BFSP1: variants seen among roughly 807,000 people sequenced by gnomAD.
BFSP1 encodes the protein filensin.
A neutral mutation model predicts 43.9 loss-of-function variants in BFSP1; 38 were observed. That is an observed-to-expected ratio of 0.87 (90% CI 0.67 to 1.14). BFSP1 has a LOEUF of 1.14. BFSP1 is among the 50% of genes most tolerant of loss of function. The pLI, the probability that BFSP1 is intolerant of heterozygous loss-of-function variation, is 0.00. For synonymous variants in BFSP1, 352 were observed against 354.8 expected, an observed-to-expected ratio of 0.99 and a Z score of 0.09; for missense variants, 850 against 875.1, an observed-to-expected ratio of 0.97 and a Z score of 0.36.
chr20:17,527,938 T>G (rs1450835387), intron 1 of BFSP1, among the ~76,000 whole-genome samples: 2 of 152,234 alleles, frequency 1.3e-5, no homozygotes, highest in African/African-American at 4.8e-5. Context: ...CATTCTTGTT[T>G]TATTCAGTGT....
At position 17,531,349 on chromosome 20, in the gene BFSP1, C is replaced by T. The variant is rs888725539; in HGVS notation, c.-20G>A. On this transcript the variant is annotated 5_prime_UTR_variant, in exon 1 of 8. Coordinates refer to ENST00000377873, the MANE Select transcript of BFSP1 (RefSeq NM_001195.5). ...GTACATGGCTGCTCTGGCGCGGGCG[C>T]GCGGGCGGCGCCGAGCCGGCTCTCC... 4 of 1,365,800 alleles carry T rather than the reference C, an allele frequency of 2.9e-6. No individual in the cohort carries two copies. Among genetic ancestry groups the T allele is most frequent in the Non-Finnish European group, 3.8e-6 (4 of 1,065,926 alleles). 84.6% of individuals were successfully genotyped at this position (1,365,800 alleles called of 1,614,324 possible). A position where few individuals can be genotyped will look rare whatever the true frequency, so the allele number is the denominator to read the frequency against.
chr20:17,515,260 C>T (rs1240602742), intron 2 of BFSP1, among the ~76,000 whole-genome samples: 3 of 152,090 alleles, frequency 2.0e-5, no homozygotes, highest in Non-Finnish European at 4.4e-5. Context: ...AAGATCGGAG[C>T]GCTAGGTATA....
intron 1 of BFSP1, among the ~76,000 whole-genome samples, chr20:17,555,053 C>A (rs1010970852): frequency 2.0e-5 from 3 of 152,006 alleles, no homozygotes; most frequent in Non-Finnish European, 4.4e-5. Flanking sequence ...AATCCCAGCA[C>A]TTTGGGAGGC....
At chr20:17,499,403 CT>C (rs34583097) in intron 5 of BFSP1, among the ~76,000 whole-genome samples, 867 of 82,064 alleles carry the variant, frequency 0.011, 2 homozygotes, top group African/African-American at 0.027. Context: ...ACATGCTGGG[CT>C]TTTTTTTTTT....
intron 1 of BFSP1, among the ~76,000 whole-genome samples, chr20:17,567,394 T>C (rs951043536): frequency 6.6e-6 from 1 of 152,104 alleles, no homozygotes; most frequent in Non-Finnish European, 1.5e-5. Flanking sequence ...CTGGTAGTAA[T>C]GGAAAATGCA....
rs141227868 is a variant in BFSP1, at chr20:17,552,554, G to A, written c.2+6134C>T. On this transcript the variant is annotated intron_variant, in intron 1 of 7. Transcript: ENST00000377868. ...AGCATGGCTTTCATGGCTGTGCTGA[G>A]AATAGCAGAAGCAGAGAGACCAGCC... 4.1e-3 allele frequency among the ~76,000 whole-genome samples: 617 copies of A among 152,312 alleles called. 4 individuals carry two copies. Among genetic ancestry groups the A allele is most frequent in the African/African-American group, 0.014 (588 of 41,558 alleles).
At position 17,494,803 on chromosome 20, in the gene BFSP1, T is replaced by C. The variant is rs1233389990; in HGVS notation, c.1269A>G (p.Thr423=). The C allele has an allele frequency of 6.2e-7, 1 of 1,614,228 alleles. No individual in the cohort carries two copies. Among genetic ancestry groups the C allele is most frequent in the Non-Finnish European group, 8.5e-7 (1 of 1,180,044 alleles). Residue 423 remains threonine, a synonymous_variant, in exon 8 of 8, where the codon ACA becomes ACG. Coordinates refer to ENST00000377873, the MANE Select transcript of BFSP1 (RefSeq NM_001195.5). ...ESESKEVSPL[T]QEGAPEDVPD... Reference sequence around the variant, plus strand: ...GCACATCCTCTGGAGCCCCTTCTTGTGTCAGGGGACTTACTTCTTTACTTT... The same window carrying C: ...GCACATCCTCTGGAGCCCCTTCTTGCGTCAGGGGACTTACTTCTTTACTTT...
chr20:17,495,825 C>G (rs2033618489), intron 7 of BFSP1, among the ~76,000 whole-genome samples: 1 of 152,216 alleles, frequency 6.6e-6, no homozygotes, highest in Admixed American at 6.5e-5. Context: ...AAAGTCATCC[C>G]CTGCATCCCT....
intron 1 of BFSP1, among the ~76,000 whole-genome samples, chr20:17,526,517 G>C: frequency 6.6e-6 from 1 of 152,290 alleles, no homozygotes; most frequent in East Asian, 1.9e-4. Flanking sequence ...TCCTTTTTAA[G>C]GGTGTATAAT....
At chr20:17,560,773 G>A (rs1215933878), upstream of BFSP1, 1 of 152,260 alleles carries the variant, frequency 6.6e-6, no homozygotes, top group African/African-American at 2.4e-5. Context: ...TGCAGCGGGT[G>A]AGGCAGAAGT....
Position 17,494,822 on chromosome 20 carries a change from T to C in BFSP1, c.1250A>G (p.Lys417Arg), listed in dbSNP as rs772346781. Reference sequence around the variant, plus strand: ...TTCTTGTGTCAGGGGACTTACTTCTTTACTTTCTGATTCAAACTTAGATTC... The same window carrying C: ...TTCTTGTGTCAGGGGACTTACTTCTCTACTTTCTGATTCAAACTTAGATTC... ...ESESKFESES[K>R]EVSPLTQEGA... The change falls in exon 8 of 8, where the codon AAA (lysine) becomes AGA (arginine). Residue 417 changes from lysine (K) to arginine (R), a missense_variant. Coordinates refer to ENST00000377873, the MANE Select transcript of BFSP1 (RefSeq NM_001195.5). The C allele has an allele frequency of 6.2e-7, 1 of 1,614,222 alleles. No individual in the cohort carries two copies. Among genetic ancestry groups the C allele is most frequent in the South Asian group, 1.1e-5 (1 of 91,084 alleles).
chr20:17,549,006 T>C (rs1254772035), intron 1 of BFSP1, among the ~76,000 whole-genome samples: 1 of 152,184 alleles, frequency 6.6e-6, no homozygotes, highest in African/African-American at 2.4e-5. Flanking sequence ...AGATAGAGTC[T>C]CACTATGTTG....
chr20:17,532,709 T>C (rs1304326657), upstream of BFSP1, among the ~76,000 whole-genome samples: 1 of 151,870 alleles, frequency 6.6e-6, no homozygotes, highest in Non-Finnish European at 1.5e-5. Flanking sequence ...CTTTGACAAA[T>C]TTAAAAGTAA....
upstream of BFSP1, among the ~76,000 whole-genome samples, chr20:17,536,264 T>G (rs759011188): frequency 5.9e-5 from 9 of 152,200 alleles, no homozygotes; most frequent in Non-Finnish European, 8.8e-5. Flanking sequence ...TTTAAAGTTG[T>G]TTAAGGCTGG....
chr20:17,517,402 G>T (rs1470720448), intron 2 of BFSP1: 1 of 745,448 alleles, frequency 1.3e-6, no homozygotes, highest in East Asian at 2.5e-5. Flanking sequence ...TCCTGCCTCA[G>T]CCTCCCAAGT....
At chr20:17,523,681 G>A (rs1251148664) in intron 2 of BFSP1, among the ~76,000 whole-genome samples, 1 of 150,208 alleles carries the variant, frequency 6.7e-6, no homozygotes, top group East Asian at 1.9e-4. Context: ...TGTCCTGAGA[G>A]TCCCAGCCTG....
At chr20:17,524,808 G>GT in intron 2 of BFSP1, 40 bp downstream of exon 2, 1 of 1,596,002 alleles carries the variant, frequency 6.3e-7, no homozygotes, top group Non-Finnish European at 8.6e-7. Flanking sequence ...ATTCAACACT[G>GT]TAATTAAGCT....
chr20:17,507,271 A>G lies in BFSP1; in HGVS notation c.735+1618T>C, dbSNP rs865993344. ...TGCGAGCCATACACATCAGATAGGT[A>G]GGTGTGTGTGTGTGTGTGTGTGTGT... On this transcript the variant is annotated intron_variant, in intron 5 of 7. Transcript: ENST00000377873. The surrounding 1 kb of genome is among the most constrained non-coding windows in gnomAD (Gnocchi z 4.4). Among the ~76,000 whole-genome samples, 31 of 126,340 alleles carry G rather than the reference A, an allele frequency of 2.5e-4. No homozygotes were observed. The highest frequency in any genetic ancestry group is 2.0e-3 in the South Asian group (7 of 3,508). 82.9% of individuals were successfully genotyped at this position (126,340 alleles called of 152,430 possible).
chr20:17,531,332 C>A lies in BFSP1; in HGVS notation c.-3G>T. Reference sequence around the variant, plus strand: ...AAGACGTAGCTGCGCCGGTACATGGCTGCTCTGGCGCGGGCGCGCGGGCGG... The same window carrying A: ...AAGACGTAGCTGCGCCGGTACATGGATGCTCTGGCGCGGGCGCGCGGGCGG... On this transcript the variant is annotated 5_prime_UTR_variant, in exon 1 of 8. Transcript: ENST00000377873. 2 of 1,423,502 alleles carry A rather than the reference C, an allele frequency of 1.4e-6. No individual in the cohort carries two copies. Among genetic ancestry groups the A allele is most frequent in the South Asian group, 2.8e-5 (2 of 70,266 alleles). The allele number at this position is 1,423,502 out of a possible 1,614,324, so 88.2% of individuals were successfully genotyped here.
Sources: gnomAD v4.1 joint callset for allele counts (sites outside exome capture counted in the v4.1 genomes callset) on GRCh38, gnomAD v4.1.1 for gene constraint, Gnocchi (gnomAD v3.1) non-coding constraint, MANE v1.5 for transcripts, NCBI Gene and HGNC (gene_info 2026-07-23, HGNC 2026-07-21) for gene names.